The following GPHN variants were observed in gnomAD, a reference collection of about 807,000 sequenced individuals.
GPHN encodes the protein gephyrin.
A neutral mutation model predicts 95.5 loss-of-function variants in GPHN; 17 were observed. The observed-to-expected ratio is 0.18, with a 90% CI of 0.12 to 0.27. The LOEUF (loss-of-function observed/expected upper bound fraction) is 0.27. Among genes scored for constraint, GPHN ranks in the 10% least tolerant of loss-of-function variants. The pLI, the probability that GPHN is intolerant of heterozygous loss-of-function variation, is 1.00. For missense variants in GPHN, 660 were observed against 978.1 expected, an observed-to-expected ratio of 0.67 and a Z score of 4.34; for synonymous variants, 320 against 322.5, an observed-to-expected ratio of 0.99 and a Z score of 0.08.
At chr14:67,499,822 C>T in the GPHN span, among the ~76,000 whole-genome samples, 1 of 144,418 alleles carries the variant, frequency 6.9e-6, no homozygotes. Context: ...ATGACCATCA[C>T]TGCTAAACAG....
At chr14:67,131,221 C>A (rs1191327488) in intron 17 of GPHN, among the ~76,000 whole-genome samples, 1 of 146,800 alleles carries the variant, frequency 6.8e-6, no homozygotes, top group Non-Finnish European at 1.5e-5. Flanking sequence ...TTTCTTTTTT[C>A]TCAGTTTCCT....
At chr14:67,575,422 T>G in the GPHN span, 1 of 1,610,258 alleles carries the variant, frequency 6.2e-7, no homozygotes. Context: ...GGTGGTCTGG[T>G]GCGCTCTTGT....
chr14:67,729,969 T>C, the GPHN span: 1 of 376,130 alleles, frequency 2.7e-6, no homozygotes, highest in South Asian at 2.0e-5. Context: ...TTGTCCCGCT[T>C]TGTTCAAGGC....
At chr14:66,978,074 T>TA (rs951999961) in intron 9 of GPHN, among the ~76,000 whole-genome samples, 3 of 152,194 alleles carry the variant, frequency 2.0e-5, no homozygotes, top group Admixed American at 1.3e-4. Flanking sequence ...GGATTATGTC[T>TA]AAAAAAACAC....
intron 1 of GPHN, among the ~76,000 whole-genome samples, chr14:66,653,819 T>C (rs1352700136): frequency 6.6e-6 from 1 of 152,192 alleles, no homozygotes; most frequent in Non-Finnish European, 1.5e-5. Flanking sequence ...CAGTCTAACA[T>C]TCACTGATTA....
chr14:67,321,503 A>G, the GPHN span, among the ~76,000 whole-genome samples: 1 of 152,206 alleles, frequency 6.6e-6, no homozygotes, highest in Non-Finnish European at 1.5e-5. Context: ...GCTTGAGACC[A>G]GAGTGTTTTG....
chr14:67,541,750 T>G, the GPHN span: 1 of 915,018 alleles, frequency 1.1e-6, no homozygotes, highest in Non-Finnish European at 1.6e-6. Flanking sequence ...TTCTCTGTCC[T>G]TTGGTCCCCT....
chr14:66,858,128 C>T (rs957636868), intron 4 of GPHN, among the ~76,000 whole-genome samples: 1 of 152,156 alleles, frequency 6.6e-6, no homozygotes, highest in African/African-American at 2.4e-5. Context: ...AGTCCTAGTG[C>T]TGACCTGGGC....
chr14:66,752,858 A>G (rs1227386472), intron 2 of GPHN, among the ~76,000 whole-genome samples: 1 of 151,850 alleles, frequency 6.6e-6, no homozygotes, highest in African/African-American at 2.4e-5. Flanking sequence ...TGGACAAGAA[A>G]GAGCTGAGAC....
intron 9 of GPHN, chr14:66,985,614 G>A (rs1052413907): frequency 1.0e-6 from 1 of 981,458 alleles, no homozygotes; most frequent in Non-Finnish European, 1.6e-6. Context: ...ACTTACTAAT[G>A]TATAGAAAAA....
rs778134176 is a variant in GPHN, at chr14:67,060,193, A to G, written c.1144+1407A>G. Among the ~76,000 whole-genome samples, 152 of 151,084 alleles carry G rather than the reference A, an allele frequency of 1.0e-3. 1 individual carries two copies. The highest frequency in any genetic ancestry group is 2.0e-3 in the Non-Finnish European group (138 of 67,700). On this transcript the variant is annotated intron_variant, in intron 11 of 22. Transcript: ENST00000478722. ...TATTCCAGGTCACATTTAAAGAGAC[A>G]TTCTAATTTAAAAAAAAAAAAAAAA...
At chr14:66,593,647 A>C (rs1221056448) in intron 1 of GPHN, among the ~76,000 whole-genome samples, 1 of 152,188 alleles carries the variant, frequency 6.6e-6, no homozygotes, top group Admixed American at 6.5e-5. Context: ...GGGGACACAA[A>C]GCCAAATCAT....
chr14:67,615,682 G>T, the GPHN span: 2 of 504,514 alleles, frequency 4.0e-6, no homozygotes, highest in Non-Finnish European at 7.7e-6. Context: ...GGCAAGGGCA[G>T]ACAAGGCCCG....
At chr14:66,865,042 T>A (rs2063174969) in intron 4 of GPHN, among the ~76,000 whole-genome samples, 1 of 152,116 alleles carries the variant, frequency 6.6e-6, no homozygotes, top group South Asian at 2.1e-4. Flanking sequence ...TCTCACTCAT[T>A]TGTGTGAGCT....
intron 2 of GPHN, among the ~76,000 whole-genome samples, chr14:66,735,701 T>A (rs1285757045): frequency 6.6e-6 from 1 of 152,114 alleles, no homozygotes; most frequent in Non-Finnish European, 1.5e-5. Flanking sequence ...AGCCAAATTT[T>A]ATTTTATTTT....
chr14:66,909,056 A>G (rs541108303), intron 5 of GPHN, among the ~76,000 whole-genome samples: 1 of 152,250 alleles, frequency 6.6e-6, no homozygotes, highest in East Asian at 1.9e-4. Flanking sequence ...GTTAATAATA[A>G]TGTGTCAATA....
the GPHN span, among the ~76,000 whole-genome samples, chr14:67,223,022 T>C: frequency 4.5e-3 from 633 of 139,396 alleles, 3 homozygotes; most frequent in African/African-American, 0.017. Flanking sequence ...TTTTTTGAGA[T>C]GGGGTCTCCC....
At chr14:66,639,523 C>G (rs2064280127) in intron 1 of GPHN, among the ~76,000 whole-genome samples, 1 of 152,012 alleles carries the variant, frequency 6.6e-6, no homozygotes, top group African/African-American at 2.4e-5. Flanking sequence ...TTTCACTGCT[C>G]CTTTATTTTT....
At position 66,508,200 on chromosome 14, in the gene GPHN, C is replaced by G. The variant is rs1374653669; in HGVS notation, c.-328C>G. 3 of 506,834 alleles carry G rather than the reference C, an allele frequency of 5.9e-6. No individual in the cohort carries two copies. In the East Asian group the frequency reaches 1.1e-4, roughly 18 times the overall value. The allele number at this position is 506,834 out of a possible 1,614,324, so 31.4% of individuals were successfully genotyped here. A position where few individuals can be genotyped will look rare whatever the true frequency, so the allele number is the denominator to read the frequency against. ...GCCTTGGGTCTCGCGCTCCGCAGAG[C>G]GTTCCGACACTCTCCGGCCTCGTTC... On this transcript the variant is annotated 5_prime_UTR_variant, in exon 1 of 23. Transcript: ENST00000478722.
Sources: gnomAD v4.1 joint callset for allele counts (sites outside exome capture counted in the v4.1 genomes callset) on GRCh38, gnomAD v4.1.1 for gene constraint, MANE v1.5 for transcripts, NCBI Gene and HGNC (gene_info 2026-07-23, HGNC 2026-07-21) for gene names.